The following MITF variants were observed in gnomAD, a reference collection of about 807,000 sequenced individuals.
The protein encoded by MITF is microphthalmia-associated transcription factor.
A neutral mutation model predicts 60.5 loss-of-function variants in MITF; 17 were observed. That is an observed-to-expected ratio of 0.28 (90% CI 0.19 to 0.42). The LOEUF (loss-of-function observed/expected upper bound fraction) is 0.42. Ranked by LOEUF, MITF falls within the 10% of genes least tolerant of loss-of-function variation. The probability of loss-of-function intolerance (pLI) is 1.00; values close to 1 mark genes in which losing one functional copy is unlikely to be tolerated. For missense variants in MITF, 622 were observed against 683.5 expected, an observed-to-expected ratio of 0.91 and a Z score of 1.00; for synonymous variants, 260 against 248.5, an observed-to-expected ratio of 1.05 and a Z score of -0.43.
rs182589864 is a variant in MITF, at chr3:69,837,725, G to A, written c.105-41409G>A. 5.3e-5 allele frequency among the ~76,000 whole-genome samples: 8 copies of A among 152,246 alleles called. No homozygotes were observed. In the South Asian group the frequency reaches 8.3e-4, roughly 16 times the overall value. Reference sequence around the variant, plus strand: ...ATTACCTGACCTGAAGTGACACAAGGCTATTTATAGTCTTCATTGTTCCAC... The same window carrying A: ...ATTACCTGACCTGAAGTGACACAAGACTATTTATAGTCTTCATTGTTCCAC... On this transcript the variant is annotated intron_variant, in intron 1 of 9. Coordinates refer to ENST00000352241, the MANE Select transcript of MITF (RefSeq NM_001354604.2).
At chr3:69,817,998 T>C (rs1194583976) in intron 1 of MITF, among the ~76,000 whole-genome samples, 1 of 152,204 alleles carries the variant, frequency 6.6e-6, no homozygotes, top group Non-Finnish European at 1.5e-5. Flanking sequence ...TAGATATTGT[T>C]AGGATAAAAC....
rs2066723241 is a variant in MITF at position 69,967,698 on chromosome 3, T to C, written c.*2450T>C. ...GAGCAAGCCCAGGAGAATGCTGCAA[T>C]CTTGGGGGTGGTTTTATTTATTTCT... On this transcript the variant is annotated 3_prime_UTR_variant, in exon 10 of 10. Coordinates refer to ENST00000352241, the MANE Select transcript of MITF (RefSeq NM_001354604.2). 4.3e-6 allele frequency: 1 copy of C among 232,958 alleles called. No individual in the cohort carries two copies. The highest frequency in any genetic ancestry group is 8.5e-6 in the Non-Finnish European group (1 of 117,910). 14.4% of individuals were successfully genotyped at this position (232,958 alleles called of 1,614,324 possible). A position where few individuals can be genotyped will look rare whatever the true frequency, so the allele number is the denominator to read the frequency against.
chr3:69,926,994 T>C (rs2107448624), intron 2 of MITF, among the ~76,000 whole-genome samples: 1 of 152,312 alleles, frequency 6.6e-6, no homozygotes, highest in Non-Finnish European at 1.5e-5. Context: ...TCTCATGGAA[T>C]GTCTAGCTTG....
chr3:69,842,194 C>A (rs2063650016), intron 1 of MITF, among the ~76,000 whole-genome samples: 1 of 152,106 alleles, frequency 6.6e-6, no homozygotes, highest in Admixed American at 6.5e-5. Context: ...TATAACACAA[C>A]ATATGTGTTT....
At chr3:69,929,629 A>T (rs1223511645) in intron 2 of MITF, among the ~76,000 whole-genome samples, 1 of 152,056 alleles carries the variant, frequency 6.6e-6, no homozygotes. Context: ...GTAGGGAACC[A>T]TTACAGAGGT....
At chr3:69,824,794 T>C (rs2063329351) in intron 1 of MITF, among the ~76,000 whole-genome samples, 1 of 152,176 alleles carries the variant, frequency 6.6e-6, no homozygotes, top group East Asian at 1.9e-4. Context: ...CCTTGGGCTG[T>C]TTTGTAGCAG....
chr3:69,925,606 A>G (rs896340709), intron 2 of MITF, among the ~76,000 whole-genome samples: 1 of 152,248 alleles, frequency 6.6e-6, no homozygotes, highest in Admixed American at 6.5e-5. Context: ...TACAAGTAGT[A>G]GAGAATAAAA....
intron 2 of MITF, chr3:69,937,174 T>G (rs1238085570): frequency 5.9e-6 from 1 of 169,972 alleles, no homozygotes; most frequent in African/African-American, 2.4e-5. Flanking sequence ...CACATACGTG[T>G]AAGTGTTATG....
chr3:69,937,612 T>C (rs182130624), intron 2 of MITF, among the ~76,000 whole-genome samples: 1 of 152,274 alleles, frequency 6.6e-6, no homozygotes, highest in East Asian at 1.9e-4. Context: ...GGAAATAAAA[T>C]AGGGCAAAGT....
chr3:69,865,881 CAGTA>C (rs1489855401), intron 1 of MITF, among the ~76,000 whole-genome samples: 1 of 152,144 alleles, frequency 6.6e-6, no homozygotes, highest in Non-Finnish European at 1.5e-5. Context: ...TCTGTGACTC[CAGTA>C]AGTGTTGACA....
At chr3:69,807,492 A>G (rs2063028508) in intron 1 of MITF, among the ~76,000 whole-genome samples, 1 of 152,228 alleles carries the variant, frequency 6.6e-6, no homozygotes, top group South Asian at 2.1e-4. Flanking sequence ...TTGTGGAACA[A>G]AGACCTTTTA....
At chr3:69,806,822 A>G (rs1227407331) in intron 1 of MITF, among the ~76,000 whole-genome samples, 1 of 152,182 alleles carries the variant, frequency 6.6e-6, no homozygotes, top group Non-Finnish European at 1.5e-5. Flanking sequence ...GAGCTGTTTC[A>G]CTTGAGACTC....
chr3:69,885,416 TG>T, intron 2 of MITF, among the ~76,000 whole-genome samples: 1 of 152,174 alleles, frequency 6.6e-6, no homozygotes, highest in African/African-American at 2.4e-5. Flanking sequence ...TATTAAGGTC[TG>T]GGGCCTGGAA....
At chr3:69,740,538 C>T (rs542289280) in intron 1 of MITF, among the ~76,000 whole-genome samples, 36 of 152,282 alleles carry the variant, frequency 2.4e-4, no homozygotes, top group Non-Finnish European at 4.9e-4. Context: ...GTGCCCACTT[C>T]CCTTGAGCCA....
chr3:69,900,737 A>G (rs536928489), intron 2 of MITF, among the ~76,000 whole-genome samples: 2 of 152,342 alleles, frequency 1.3e-5, no homozygotes, highest in African/African-American at 4.8e-5. Context: ...TTGAAGAACA[A>G]AAGTAACATG....
At chr3:69,953,651 A>G (rs1051766675) in intron 7 of MITF, among the ~76,000 whole-genome samples, 3 of 138,882 alleles carry the variant, frequency 2.2e-5, no homozygotes, top group Non-Finnish European at 4.7e-5. Flanking sequence ...ATGTATGTAT[A>G]TATATATATA....
chr3:69,918,450 C>T lies in MITF; in HGVS notation c.355-19372C>T, dbSNP rs73117316. 4.5e-3 allele frequency among the ~76,000 whole-genome samples: 680 copies of T among 152,218 alleles called. 2 individuals carry two copies. Among genetic ancestry groups the T allele is most frequent in the Middle Eastern group, 0.02 (6 of 294 alleles). On this transcript the variant is annotated intron_variant, in intron 2 of 9. Transcript: ENST00000352241. ...AAAATTTCCTTGGTGTTTTTTCTCTCGTATGTTCCTTTTTGTGACAACAAT... is the reference window on the plus strand; with the variant it reads ...AAAATTTCCTTGGTGTTTTTTCTCTTGTATGTTCCTTTTTGTGACAACAAT...
At chr3:69,931,270 C>T (rs2065716774) in intron 2 of MITF, among the ~76,000 whole-genome samples, 1 of 152,130 alleles carries the variant, frequency 6.6e-6, no homozygotes, top group African/African-American at 2.4e-5. Flanking sequence ...ATAAGACCCT[C>T]ATTTAAGAGA....
At chr3:69,792,449 AT>A (rs71126460) in intron 1 of MITF, among the ~76,000 whole-genome samples, 131 of 148,642 alleles carry the variant, frequency 8.8e-4, no homozygotes, top group African/African-American at 1.9e-3. Flanking sequence ...TCATTATATG[AT>A]TTTTTTTTTA....
Sources: allele counts gnomAD v4.1 joint callset (sites outside exome capture counted in the v4.1 genomes callset), GRCh38; gene constraint gnomAD v4.1.1; transcripts MANE v1.5; gene names NCBI Gene and HGNC (gene_info 2026-07-23, HGNC 2026-07-21).